COL23A1: variants seen among roughly 807,000 people sequenced by gnomAD.
COL23A1 encodes collagen alpha-1(XXIII) chain.
In COL23A1, 97 loss-of-function variants were observed where a neutral mutation model predicts 99.3. The ratio of observed to expected loss-of-function variants is 0.98; its 90% CI spans 0.83 to 1.16. The LOEUF is 1.16. COL23A1 is among the 50% of genes most tolerant of loss of function. The pLI, the probability that COL23A1 is intolerant of heterozygous loss-of-function variation, is 0.00. For missense variants in COL23A1, 762 were observed against 757.4 expected, an observed-to-expected ratio of 1.01 and a Z score of -0.07; for synonymous variants, 320 against 308.2, an observed-to-expected ratio of 1.04 and a Z score of -0.40.
chr5:178,458,825 C>A (rs1002244077), intron 2 of COL23A1, among the ~76,000 whole-genome samples: 1 of 152,140 alleles, frequency 6.6e-6, no homozygotes, highest in East Asian at 1.9e-4. Flanking sequence ...TCCTGTGGGG[C>A]GTGCACCCCA....
chr5:178,472,539 T>A (rs1392084622), intron 2 of COL23A1, among the ~76,000 whole-genome samples: 2 of 152,210 alleles, frequency 1.3e-5, no homozygotes, highest in Non-Finnish European at 2.9e-5. Context: ...TTATGAAAGG[T>A]AAGGCACTGT....
intron 2 of COL23A1, among the ~76,000 whole-genome samples, chr5:178,541,122 A>G (rs772809224): frequency 6.6e-6 from 1 of 152,220 alleles, no homozygotes; most frequent in Non-Finnish European, 1.5e-5. Context: ...TTAAAATAAC[A>G]GTATCGACAC....
Position 178,468,802 on chromosome 5 carries a change from G to A in COL23A1, c.361+91880C>T, listed in dbSNP as rs1415921428. ...CATCTTCACCATTTTTACGGGTACA[G>A]CTCAGTGCATCAGGTGCATTCACAC... On this transcript the variant is annotated intron_variant, in intron 2 of 28. Coordinates refer to ENST00000390654, the MANE Select transcript of COL23A1 (RefSeq NM_173465.4). This position sits in a 1 kb window ranked among gnomAD's most constrained non-coding sequence, Gnocchi z 4.2. Among the ~76,000 whole-genome samples the A allele has an allele frequency of 6.6e-6, 1 of 152,188 alleles. No homozygotes were observed. The highest frequency in any genetic ancestry group is 2.4e-5 in the African/African-American group (1 of 41,432).
At chr5:178,560,495 C>T (rs1447990219) in intron 2 of COL23A1, among the ~76,000 whole-genome samples, 187 bp downstream of exon 2, 2 of 152,136 alleles carry the variant, frequency 1.3e-5, no homozygotes, top group East Asian at 1.9e-4. Flanking sequence ...AAACCGAGTC[C>T]GTTTACTTTG....
intron 2 of COL23A1, among the ~76,000 whole-genome samples, chr5:178,321,577 C>T (rs1160493308): frequency 2.0e-5 from 3 of 150,664 alleles, no homozygotes; most frequent in African/African-American, 7.3e-5. Context: ...GCAAGCTCCG[C>T]CTCCCAGGTT....
rs1197800861 is a variant in COL23A1 at position 178,429,450 on chromosome 5, A to C, written c.362-122531T>G. Among the ~76,000 whole-genome samples the C allele has an allele frequency of 2.0e-5, 3 of 152,224 alleles. No individual in the cohort carries two copies. In the East Asian group the frequency reaches 5.8e-4, roughly 29 times the overall value. ...TGCCAAAGCGAAAGTTAAGCTCAGA[A>C]ACTGAGTCAGGCAAAAACTGCCTTC... is the stretch of plus-strand genomic sequence containing the variant. On this transcript the variant is annotated intron_variant, in intron 2 of 28. Transcript: ENST00000390654.
chr5:178,358,540 A>G (rs111208191), intron 2 of COL23A1, among the ~76,000 whole-genome samples: 33,673 of 109,872 alleles, frequency 0.31, 4,328 homozygotes, highest in South Asian at 0.4. Flanking sequence ...TAGTGTGTGT[A>G]TGTGTGTGTA....
chr5:178,373,496 A>G (rs2127725258), intron 2 of COL23A1, among the ~76,000 whole-genome samples: 1 of 152,210 alleles, frequency 6.6e-6, no homozygotes, highest in South Asian at 2.1e-4. Flanking sequence ...GGCTCACTGC[A>G]ACCTCCGCCT....
intron 2 of COL23A1, among the ~76,000 whole-genome samples, chr5:178,357,503 G>T (rs960571830): frequency 1.3e-5 from 2 of 152,214 alleles, no homozygotes; most frequent in Non-Finnish European, 2.9e-5. Flanking sequence ...GTCCGCTGGG[G>T]AAACAAGTGA....
chr5:178,529,541 C>A (rs1325746495), intron 2 of COL23A1, among the ~76,000 whole-genome samples: 1 of 152,214 alleles, frequency 6.6e-6, no homozygotes, highest in Non-Finnish European at 1.5e-5. Context: ...GTTACATAAA[C>A]CAAAATCAAA....
At chr5:178,410,608 C>T (rs1765010139) in intron 2 of COL23A1, among the ~76,000 whole-genome samples, 2 of 152,112 alleles carry the variant, frequency 1.3e-5, no homozygotes, top group South Asian at 4.1e-4. Context: ...TACCTCACAC[C>T]AAATACAAAA....
At chr5:178,455,148 T>A (rs1235308425) in intron 2 of COL23A1, among the ~76,000 whole-genome samples, 1 of 152,168 alleles carries the variant, frequency 6.6e-6, no homozygotes, top group African/African-American at 2.4e-5. Flanking sequence ...TATTTCCAAA[T>A]AAGGTCACAT....
At chr5:178,369,589 G>A (rs1484244076) in intron 2 of COL23A1, among the ~76,000 whole-genome samples, 1 of 152,194 alleles carries the variant, frequency 6.6e-6, no homozygotes, top group African/African-American at 2.4e-5. Context: ...CATGGGGGCA[G>A]GTCATTCTCG....
At chr5:178,285,390 A>C (rs542563664) in intron 5 of COL23A1, among the ~76,000 whole-genome samples, 2 of 152,324 alleles carry the variant, frequency 1.3e-5, no homozygotes, top group East Asian at 3.9e-4. Flanking sequence ...CTACAAAAAA[A>C]CACAAAAAAC....
At position 178,259,732 on chromosome 5, in the gene COL23A1, G is replaced by T. The variant is rs756964210; in HGVS notation, c.718C>A (p.Pro240Thr). ...PPGPKGEPGV[P>T]GKKGDDGTPS... ...TTGGCCCCTCTCACCTTCTTTCCAGGTACTCCAGGCTCACCCTGGGGGAGG... is the reference window on the plus strand; with the variant it reads ...TTGGCCCCTCTCACCTTCTTTCCAGTTACTCCAGGCTCACCCTGGGGGAGG... Residue 240 changes from proline (P) to threonine (T), a missense_variant, in exon 12 of 29, where the codon CCT (proline) becomes ACT (threonine). Coordinates refer to ENST00000390654, the MANE Select transcript of COL23A1 (RefSeq NM_173465.4). The T allele has an allele frequency of 3.4e-5, 55 of 1,603,722 alleles. No individual in the cohort carries two copies. Among genetic ancestry groups the T allele is most frequent in the Non-Finnish European group, 4.4e-5 (52 of 1,173,554 alleles).
chr5:178,490,925 A>T (rs1388085172), intron 2 of COL23A1, among the ~76,000 whole-genome samples: 1 of 152,206 alleles, frequency 6.6e-6, no homozygotes, highest in Non-Finnish European at 1.5e-5. Flanking sequence ...TGACTTTAAA[A>T]CAACCTCTAT....
intron 2 of COL23A1, among the ~76,000 whole-genome samples, chr5:178,500,117 T>C (rs950406703): frequency 2.8e-4 from 43 of 152,010 alleles, no homozygotes; most frequent in African/African-American, 1.0e-3. Flanking sequence ...GCTTACTCTG[T>C]GGAGAAGCAA....
At chr5:178,516,414 C>G (rs920149202) in intron 2 of COL23A1, among the ~76,000 whole-genome samples, 1 of 152,210 alleles carries the variant, frequency 6.6e-6, no homozygotes, top group African/African-American at 2.4e-5. Flanking sequence ...TGCCAGATCT[C>G]TCTGGTTTTA....
intron 2 of COL23A1, among the ~76,000 whole-genome samples, chr5:178,401,538 C>T (rs1764450391): frequency 6.6e-6 from 1 of 152,250 alleles, no homozygotes; most frequent in Non-Finnish European, 1.5e-5. Context: ...AAATGTACCA[C>T]AGTTTCTTTA....
Sources: allele counts gnomAD v4.1 joint callset (sites outside exome capture counted in the v4.1 genomes callset), GRCh38; gene constraint gnomAD v4.1.1; non-coding constraint Gnocchi (gnomAD v3.1); transcripts MANE v1.5; gene names NCBI Gene and HGNC (gene_info 2026-07-23, HGNC 2026-07-21).